Variants in CAGE1 observed in about 807,000 individuals in gnomAD.
CAGE1 encodes cancer-associated gene 1 protein.
In CAGE1, 66 loss-of-function variants were observed where a neutral mutation model predicts 94.9. The ratio of observed to expected loss-of-function variants is 0.70; its 90% confidence interval spans 0.57 to 0.85. CAGE1 has a LOEUF of 0.85. Ranked by LOEUF, CAGE1 falls within the 40% of genes least tolerant of loss-of-function variation. The probability of loss-of-function intolerance (pLI) is 0.00; values close to 1 mark genes in which losing one functional copy is unlikely to be tolerated. For synonymous variants in CAGE1, 319 were observed against 321.0 expected (o/e 0.99, Z 0.07); for missense variants, 865 against 950.4 (o/e 0.91, Z 1.18).
chr6:7,364,370 C>A (rs1487829053), intron 9 of CAGE1, among the ~76,000 whole-genome samples: 1 of 152,176 alleles, frequency 6.6e-6, no homozygotes, highest in African/African-American at 2.4e-5. Context: ...TTTCTAGATT[C>A]CTTAGTACCA....
At chr6:7,363,811 T>G (rs1760239014) in intron 9 of CAGE1, among the ~76,000 whole-genome samples, 1 of 152,232 alleles carries the variant, frequency 6.6e-6, no homozygotes, top group African/African-American at 2.4e-5. Context: ...AACTCCTTAT[T>G]AATCTTGAAC....
intron 11 of CAGE1, among the ~76,000 whole-genome samples, chr6:7,334,769 A>C (rs1758893894): frequency 6.6e-6 from 1 of 151,862 alleles, no homozygotes; most frequent in Non-Finnish European, 1.5e-5. Flanking sequence ...AAAGAAAAAA[A>C]CCAAAAAACC....
intron 11 of CAGE1, among the ~76,000 whole-genome samples, chr6:7,344,435 T>G (rs543772203): frequency 1.4e-3 from 213 of 152,366 alleles, no homozygotes; most frequent in Middle Eastern, 3.4e-3. Context: ...TTTCTCACCG[T>G]GCCTTAGCTG....
At chr6:7,328,934 A>ATATTTTT (rs1388562262) in intron 13 of CAGE1, among the ~76,000 whole-genome samples, 2 of 106,812 alleles carry the variant, frequency 1.9e-5, no homozygotes, top group Non-Finnish European at 3.5e-5. Context: ...ATATATATAT[A>ATATTTTT]TTTTTTTTTT....
chr6:7,378,203 A>T (rs1280198170), intron 4 of CAGE1, among the ~76,000 whole-genome samples: 1 of 152,162 alleles, frequency 6.6e-6, no homozygotes, highest in Non-Finnish European at 1.5e-5. Flanking sequence ...GTGAAAAAAA[A>T]TTATGGTAAA....
intron 9 of CAGE1, among the ~76,000 whole-genome samples, chr6:7,363,338 A>G (rs569076224): frequency 2.0e-5 from 3 of 152,358 alleles, no homozygotes; most frequent in African/African-American, 7.2e-5. Context: ...CCACTATCAC[A>G]TCTATTAAAA....
At chr6:7,370,943 G>C (rs1006645091) in intron 5 of CAGE1, among the ~76,000 whole-genome samples, 3 of 152,166 alleles carry the variant, frequency 2.0e-5, no homozygotes, top group Non-Finnish European at 4.4e-5. Context: ...TATAAGCAGA[G>C]TAAGTATGAA....
chr6:7,369,543 C>G (rs60420382), intron 6 of CAGE1, among the ~76,000 whole-genome samples: 2 of 152,116 alleles, frequency 1.3e-5, no homozygotes, highest in East Asian at 3.9e-4. Flanking sequence ...CCTAACCAAA[C>G]GTGGTATTTT....
intron 6 of CAGE1, among the ~76,000 whole-genome samples, chr6:7,369,454 C>G (rs575303190): frequency 6.6e-6 from 1 of 152,138 alleles, no homozygotes; most frequent in Non-Finnish European, 1.5e-5. Flanking sequence ...AATGATAAGC[C>G]AGCATCTGAA....
intron 9 of CAGE1, among the ~76,000 whole-genome samples, chr6:7,360,174 G>A (rs1458457523): frequency 6.6e-6 from 1 of 152,186 alleles, no homozygotes; most frequent in Non-Finnish European, 1.5e-5. Flanking sequence ...GACCCACCCT[G>A]ACAATCCAGG....
chr6:7,366,927 G>A (rs566206908), intron 7 of CAGE1, among the ~76,000 whole-genome samples: 67 of 151,978 alleles, frequency 4.4e-4, no homozygotes, highest in African/African-American at 1.2e-3. Context: ...AAATCTGGGC[G>A]TAATTTATAA....
intron 13 of CAGE1, among the ~76,000 whole-genome samples, chr6:7,327,214 G>A (rs552414054): frequency 2.6e-5 from 4 of 152,140 alleles, no homozygotes; most frequent in African/African-American, 4.8e-5. Flanking sequence ...CACCATGCCC[G>A]GCTATTTTTT....
At chr6:7,388,878 G>A (rs917309889) in intron 1 of CAGE1, among the ~76,000 whole-genome samples, 2 of 152,178 alleles carry the variant, frequency 1.3e-5, no homozygotes, top group Admixed American at 6.5e-5. Flanking sequence ...ATGCAAAAAA[G>A]CGCAAAGGCC....
intron 11 of CAGE1, 75 bp from the exon 12 acceptor site, chr6:7,334,165 G>T: frequency 1.2e-6 from 1 of 839,736 alleles, no homozygotes. Flanking sequence ...ATTCACTGGA[G>T]GATTTTAGTA....
chr6:7,366,862 C>T (rs1367610144), intron 7 of CAGE1, among the ~76,000 whole-genome samples: 3 of 151,916 alleles, frequency 2.0e-5, no homozygotes, highest in South Asian at 2.1e-4. Flanking sequence ...CCTAACATAA[C>T]GATTGTTATT....
At chr6:7,384,575 T>G (rs1477235871) in intron 3 of CAGE1, among the ~76,000 whole-genome samples, 1 of 152,124 alleles carries the variant, frequency 6.6e-6, no homozygotes, top group East Asian at 1.9e-4. Flanking sequence ...GAGACCAGCC[T>G]GGGCAGCATA....
chr6:7,337,285 C>G (rs951874940), intron 11 of CAGE1, among the ~76,000 whole-genome samples: 3 of 147,940 alleles, frequency 2.0e-5, no homozygotes, highest in Admixed American at 6.8e-5. Flanking sequence ...CAAGATTGCA[C>G]CACTGCCCTC....
Position 7,339,053 on chromosome 6 carries a change from C to T in CAGE1, c.2370-4963G>A. On this transcript the variant is annotated intron_variant, in intron 11 of 13. Coordinates refer to ENST00000502583, the MANE Select transcript of CAGE1 (RefSeq NM_001170692.2). The surrounding 1 kb of genome is among the most constrained non-coding windows in gnomAD (Gnocchi z 4.7). ...CACTCTGTCTGAGCAACACATGGCG[C>T]ACAGCAGTGTCAACGTAGTAGTTAA... The T allele has an allele frequency of 6.2e-7, 1 of 1,605,752 alleles. No individual in the cohort carries two copies. The highest frequency in any genetic ancestry group is 8.5e-7 in the Non-Finnish European group (1 of 1,173,762).
Position 7,370,053 on chromosome 6 carries a change from T to A in CAGE1, c.1759A>T (p.Thr587Ser). The change falls in exon 6 of 14, where the codon ACA becomes TCA. Residue 587 changes from threonine to serine, a missense_variant. By Grantham distance (58) the Thr-to-Ser change is moderately conservative. Coordinates refer to ENST00000502583, the MANE Select transcript of CAGE1 (RefSeq NM_001170692.2). ...KSDITKDTKT[T>S]HSNLLPDCSP... ...CAATCCGGGAGCAGATTAGAATGTG[T>A]CGTTTTTGTATCCTACATGCACGTA... is the stretch of plus-strand genomic sequence containing the variant. The A allele has an allele frequency of 6.2e-7, 1 of 1,604,540 alleles. No individual in the cohort carries two copies. The highest frequency in any genetic ancestry group is 1.1e-5 in the South Asian group (1 of 88,914).
Sources: gnomAD v4.1 joint callset for allele counts (sites outside exome capture counted in the v4.1 genomes callset) on GRCh38, gnomAD v4.1.1 for gene constraint, Gnocchi (gnomAD v3.1) non-coding constraint, MANE v1.5 for transcripts, NCBI Gene and HGNC (gene_info 2026-07-23, HGNC 2026-07-21) for gene names.